The following TSEN15 variants were observed in gnomAD, a reference collection of about 807,000 sequenced individuals.
The protein encoded by TSEN15 is tRNA-splicing endonuclease subunit Sen15.
In TSEN15, 10 loss-of-function variants were observed where a neutral mutation model predicts 20.5. That is an observed-to-expected ratio of 0.49 (90% confidence interval 0.30 to 0.83). TSEN15 has a LOEUF of 0.83. Ranked by LOEUF, TSEN15 falls within the 40% of genes least tolerant of loss-of-function variation. TSEN15 has a pLI of 0.06. For synonymous variants in TSEN15, 72 were observed against 80.1 expected, an observed-to-expected ratio of 0.90 and a Z score of 0.54; for missense variants, 180 against 218.6, an observed-to-expected ratio of 0.82 and a Z score of 1.11.
intron 3 of TSEN15, chr1:184,055,069 TAA>T (rs11359086): frequency 5.1e-4 from 204 of 400,638 alleles, no homozygotes; most frequent in South Asian, 1.2e-3. Context: ...AGTAATTTCT[TAA>T]AAAAAAAAGA....
chr1:184,061,206 C>T (rs1650443768), intron 3 of TSEN15, among the ~76,000 whole-genome samples: 1 of 152,136 alleles, frequency 6.6e-6, no homozygotes, highest in Non-Finnish European at 1.5e-5. Context: ...CTTTACTACT[C>T]TATTGTTAGA....
At chr1:184,088,826 G>T (rs1651309877) in intron 3 of TSEN15, among the ~76,000 whole-genome samples, 1 of 152,134 alleles carries the variant, frequency 6.6e-6, no homozygotes, top group African/African-American at 2.4e-5. Flanking sequence ...TTTCTGGAAG[G>T]TTAGCAGACC....
chr1:184,093,711 C>G (rs1651397964), intron 3 of TSEN15: 1 of 152,110 alleles, frequency 6.6e-6, no homozygotes, highest in South Asian at 2.1e-4. Flanking sequence ...CCCTTAACGT[C>G]TTCATTGATT....
intron 3 of TSEN15, among the ~76,000 whole-genome samples, chr1:184,092,768 G>A (rs1319128924): frequency 6.6e-6 from 1 of 152,190 alleles, no homozygotes; most frequent in East Asian, 1.9e-4. Context: ...ACTGAGACTT[G>A]TATGGGTTCC....
chr1:184,063,899 A>G (rs1557881547), intron 3 of TSEN15, among the ~76,000 whole-genome samples: 4 of 152,190 alleles, frequency 2.6e-5, no homozygotes, highest in Non-Finnish European at 5.9e-5. Context: ...AATGTTATAA[A>G]TGTATTTGAT....
chr1:184,053,207 AAATT>A (rs1404830535), intron 1 of TSEN15, among the ~76,000 whole-genome samples: 6 of 152,238 alleles, frequency 3.9e-5, no homozygotes, highest in Non-Finnish European at 8.8e-5. Context: ...TTGAAGGATC[AAATT>A]AATTTTTAAA....
intron 3 of TSEN15, among the ~76,000 whole-genome samples, chr1:184,060,328 G>C (rs187164841): frequency 9.8e-5 from 15 of 152,342 alleles, no homozygotes; most frequent in Admixed American, 3.9e-4. Flanking sequence ...CTTCACTAAG[G>C]TTCAAGGCTT....
At chr1:184,065,936 A>T (rs1650638578) in intron 3 of TSEN15, among the ~76,000 whole-genome samples, 1 of 152,194 alleles carries the variant, frequency 6.6e-6, no homozygotes, top group Non-Finnish European at 1.5e-5. Context: ...ATTTTCTCCC[A>T]GTCCATGGCT....
At chr1:184,097,332 C>T (rs181550450) in exon 4 of TSEN15, 1 of 152,210 alleles carries the variant, frequency 6.6e-6, no homozygotes, top group African/African-American at 2.4e-5. Context: ...TCCAACTGTC[C>T]CCAAAGACTA....
Position 184,088,322 on chromosome 1 carries a change from G to A in TSEN15, c.354-7368G>A, listed in dbSNP as rs142985958. 6.3e-3 allele frequency among the ~76,000 whole-genome samples: 960 copies of A among 152,270 alleles called. 8 individuals carry two copies. Among genetic ancestry groups the A allele is most frequent in the African/African-American group, 0.022 (903 of 41,546 alleles). On this transcript the variant is annotated intron_variant, in intron 3 of 3. Transcript: ENST00000643231. ...GAAGGAGTGTCTGGATAAAGCATCG[G>A]ACGTTAAAAACGCCTAGATTCTGAG...
intron 3 of TSEN15, among the ~76,000 whole-genome samples, chr1:184,088,237 C>T (rs79403636): frequency 0.026 from 3,956 of 152,054 alleles, 173 homozygotes; most frequent in African/African-American, 0.089. Flanking sequence ...GTTATCTTAG[C>T]GGTAGGAGCT....
chr1:184,059,048 T>C (rs76598344), intron 3 of TSEN15, among the ~76,000 whole-genome samples: 2 of 151,396 alleles, frequency 1.3e-5, no homozygotes, highest in African/African-American at 4.9e-5. Context: ...TTTTTTTTTT[T>C]GGTAATTGTT....
rs191052739 is a variant in TSEN15 at position 184,097,087 on chromosome 1, A to G, written c.*1283A>G. 2.6e-5 allele frequency: 4 copies of G among 152,316 alleles called. No individual in the cohort carries two copies. In the East Asian group the frequency reaches 7.7e-4, roughly 29 times the overall value. 9.4% of individuals were successfully genotyped at this position (152,316 alleles called of 1,614,324 possible). On this transcript the variant is annotated 3_prime_UTR_variant, in exon 4 of 4. Coordinates refer to the TSEN15 transcript ENST00000643231. ...GCAGTTCTTTGTGCCTGCATTTCCA[A>G]TTCAGATGAATGCATTAGAAATGGT...
downstream of TSEN15, among the ~76,000 whole-genome samples, chr1:184,077,703 TG>T (rs1651090410): frequency 1.3e-5 from 2 of 152,072 alleles, no homozygotes; most frequent in African/African-American, 4.8e-5. Context: ...TTCCAACCCT[TG>T]TGGATGACTT....
At chr1:184,062,435 A>G (rs1650492249) in intron 3 of TSEN15, among the ~76,000 whole-genome samples, 1 of 152,114 alleles carries the variant, frequency 6.6e-6, no homozygotes, top group African/African-American at 2.4e-5. Context: ...TGAGACAACA[A>G]GAGGAATACT....
chr1:184,068,438 C>T (rs2102891209), intron 3 of TSEN15, among the ~76,000 whole-genome samples: 1 of 152,242 alleles, frequency 6.6e-6, no homozygotes, highest in East Asian at 1.9e-4. Flanking sequence ...GTGTCCTCAC[C>T]TTCCCTCTGC....
chr1:184,095,631 T>TTCTCTCTCTCTCTCTA, intron 3 of TSEN15: 1 of 385,028 alleles, frequency 2.6e-6, no homozygotes, highest in Non-Finnish European at 4.6e-6. Context: ...TCTCTCCCCC[T>TTCTCTCTCTCTCTCTA]TCTCTCTCTC....
At chr1:184,087,681 A>G (rs944406777) in intron 3 of TSEN15, among the ~76,000 whole-genome samples, 3 of 152,188 alleles carry the variant, frequency 2.0e-5, no homozygotes, top group Non-Finnish European at 4.4e-5. Context: ...AGAGGAGCCG[A>G]TGTATGAAAG....
intron 3 of TSEN15, among the ~76,000 whole-genome samples, chr1:184,057,375 G>A (rs1650286461): frequency 6.6e-6 from 1 of 152,064 alleles, no homozygotes; most frequent in Admixed American, 6.6e-5. Flanking sequence ...ATATAAGTAG[G>A]GAAAAGAGCA....
Sources: allele counts gnomAD v4.1 joint callset (sites outside exome capture counted in the v4.1 genomes callset), GRCh38; gene constraint gnomAD v4.1.1; transcripts MANE v1.5; gene names NCBI Gene and HGNC (gene_info 2026-07-23, HGNC 2026-07-21).